The following MKLN1 variants were observed in gnomAD, a reference collection of about 807,000 sequenced individuals.
The protein encoded by MKLN1 is muskelin.
MKLN1 carries 18 observed loss-of-function variants against 99.0 expected under a neutral mutation model. The ratio of observed to expected loss-of-function variants is 0.18; its 90% CI spans 0.13 to 0.27. The LOEUF is 0.27. MKLN1 is among the 10% of genes least tolerant of loss of function. The probability of loss-of-function intolerance (pLI) is 1.00; values close to 1 mark genes in which losing one functional copy is unlikely to be tolerated. For missense variants in MKLN1, 621 were observed against 875.9 expected, an observed-to-expected ratio of 0.71 and a Z score of 3.67; for synonymous variants, 288 against 293.2, an observed-to-expected ratio of 0.98 and a Z score of 0.18.
intron 1 of MKLN1, among the ~76,000 whole-genome samples, chr7:131,126,006 A>AG (rs1465242845): frequency 2.5e-5 from 1 of 40,600 alleles, no homozygotes; most frequent in African/African-American, 5.9e-5. Flanking sequence ...ACTCCGTCTC[A>AG]AAAAAAAAAA....
intron 6 of MKLN1, among the ~76,000 whole-genome samples, chr7:131,403,636 C>T (rs577642551): frequency 4.6e-5 from 7 of 152,028 alleles, no homozygotes; most frequent in South Asian, 4.1e-4. Flanking sequence ...ACTTAAAGGC[C>T]GTGGTAAAGA....
At chr7:131,477,118 A>G (rs1796988461) in intron 16 of MKLN1, among the ~76,000 whole-genome samples, 1 of 152,208 alleles carries the variant, frequency 6.6e-6, no homozygotes, top group African/African-American at 2.4e-5. Context: ...AAGAAAACAT[A>G]GGAGATTATC....
intron 1 of MKLN1, among the ~76,000 whole-genome samples, chr7:131,350,226 C>CTTTTTTTTT (rs757358062): frequency 7.1e-6 from 1 of 140,320 alleles, no homozygotes. Context: ...TATTTAAAAT[C>CTTTTTTTTT]TTTTTTTTTT....
At chr7:131,250,737 A>T (rs1005579452) in intron 3 of MKLN1, among the ~76,000 whole-genome samples, 2 of 152,228 alleles carry the variant, frequency 1.3e-5, no homozygotes, top group Non-Finnish European at 2.9e-5. Context: ...GGGGTAAGCC[A>T]CTTAATGATC....
intron 17 of MKLN1, among the ~76,000 whole-genome samples, chr7:131,482,575 A>C (rs901563170): frequency 1.3e-5 from 2 of 152,212 alleles, no homozygotes; most frequent in African/African-American, 4.8e-5. Context: ...AGGAAAATCC[A>C]GCTACGTGTA....
rs568582412 is a variant in MKLN1 at position 131,306,927 on chromosome 7, C to T, written c.-178-68497C>T. Among the ~76,000 whole-genome samples the T allele has an allele frequency of 3.2e-4, 48 of 152,304 alleles. 1 individual carries two copies. The highest frequency in any genetic ancestry group is 1.1e-3 in the African/African-American group (45 of 41,578). On this transcript the variant is annotated intron_variant, in intron 3 of 7. Coordinates refer to the MKLN1 transcript ENST00000416992. The stretch of plus-strand genomic sequence containing the variant: ...GGCAATTCAGAGACCTTCATGGCAG[C>T]CCCTCCCATCACAGGCCCAGAGGCC...
intron 12 of MKLN1, among the ~76,000 whole-genome samples, chr7:131,450,397 G>A (rs1796144485): frequency 1.3e-5 from 2 of 152,180 alleles, no homozygotes; most frequent in Admixed American, 1.3e-4. Flanking sequence ...CTTACCTTTA[G>A]ATTAGTGCTA....
At chr7:131,478,975 T>G (rs937738164) in intron 17 of MKLN1, 1 of 395,116 alleles carries the variant, frequency 2.5e-6, no homozygotes, top group African/African-American at 2.1e-5. Context: ...GAATGCAGGC[T>G]GTTTTACTGA....
intron 1 of MKLN1, among the ~76,000 whole-genome samples, chr7:131,140,972 G>A (rs1194103329): frequency 1.3e-5 from 2 of 152,178 alleles, no homozygotes; most frequent in Non-Finnish European, 2.9e-5. Flanking sequence ...TTTTAGTAGA[G>A]ATGGGGCTTC....
chr7:131,151,084 A>G (rs16873910), intron 2 of MKLN1, among the ~76,000 whole-genome samples: 4,158 of 152,286 alleles, frequency 0.027, 67 homozygotes, highest in South Asian at 0.064. Context: ...TCCGTTAACT[A>G]TATTTTTCTT....
In MKLN1 at chr7:131,407,650, C is replaced by A. The variant is rs115182122; in HGVS notation, c.704-3656C>A. 7.5e-3 allele frequency among the ~76,000 whole-genome samples: 1,130 copies of A among 150,730 alleles called. 12 individuals carry two copies. Among genetic ancestry groups the A allele is most frequent in the African/African-American group, 0.026 (1,071 of 41,198 alleles). ...TAATGCAAAAATCTCACTTTTTTCCCCTTTCCCAACTGCCAGACCCTTTTC... is the reference window on the plus strand; with the variant it reads ...TAATGCAAAAATCTCACTTTTTTCCACTTTCCCAACTGCCAGACCCTTTTC... On this transcript the variant is annotated intron_variant, in intron 6 of 17. Transcript: ENST00000352689.
At chr7:131,421,927 T>C (rs1050555527) in intron 8 of MKLN1, among the ~76,000 whole-genome samples, 4 of 152,194 alleles carry the variant, frequency 2.6e-5, no homozygotes, top group African/African-American at 9.7e-5. Flanking sequence ...ACCATAAATA[T>C]ATTTATAATA....
At chr7:131,217,909 T>C (rs1797007056) in intron 3 of MKLN1, among the ~76,000 whole-genome samples, 1 of 152,166 alleles carries the variant, frequency 6.6e-6, no homozygotes, top group South Asian at 2.1e-4. Flanking sequence ...AACTAGCAGG[T>C]TCTGCAGCAA....
intron 2 of MKLN1, among the ~76,000 whole-genome samples, chr7:131,199,212 T>A (rs939363095): frequency 6.0e-5 from 9 of 150,468 alleles, no homozygotes; most frequent in Non-Finnish European, 8.9e-5. Flanking sequence ...CATGGACATA[T>A]AAAATAAAAT....
intron 8 of MKLN1, among the ~76,000 whole-genome samples, chr7:131,427,480 G>A (rs974546417): frequency 6.6e-6 from 1 of 152,110 alleles, no homozygotes; most frequent in African/African-American, 2.4e-5. Flanking sequence ...ATAATAATTG[G>A]TGGGCTTATA....
rs1799166058 is a variant in MKLN1 at position 131,333,717 on chromosome 7, T to C, written c.98+5720T>C. 9.2e-5 allele frequency among the ~76,000 whole-genome samples: 14 copies of C among 152,140 alleles called. 1 individual carries two copies. The highest frequency in any genetic ancestry group is 9.2e-4 in the Admixed American group (14 of 15,274). ...ATACCCAGCTAATTTTTTGTATTTT[T>C]AGTAGAGACGGGGTTTCTCCGTGTT... On this transcript the variant is annotated intron_variant, in intron 1 of 17. Coordinates refer to ENST00000352689, the MANE Select transcript of MKLN1 (RefSeq NM_013255.5).
chr7:131,156,820 A>G (rs1795976492), intron 2 of MKLN1, among the ~76,000 whole-genome samples: 1 of 152,172 alleles, frequency 6.6e-6, no homozygotes, highest in South Asian at 2.1e-4. Context: ...TGCTTCATGT[A>G]TGTATTCATA....
Position 131,489,399 on chromosome 7 carries a change from G to T in MKLN1, c.*1671G>T, listed in dbSNP as rs1021803038. 6 of 152,102 alleles carry T rather than the reference G, an allele frequency of 3.9e-5. No homozygotes were observed. Among genetic ancestry groups the T allele is most frequent in the Non-Finnish European group, 8.8e-5 (6 of 68,026 alleles). 9.4% of individuals were successfully genotyped at this position (152,102 alleles called of 1,614,324 possible). On this transcript the variant is annotated 3_prime_UTR_variant, in exon 18 of 18. Transcript: ENST00000352689. ...TATAATTCAGCAAGTACCAACTTGT[G>T]TAGCTGCAGAATAACCAAGTGGCTA... is the stretch of plus-strand genomic sequence containing the variant.
At chr7:131,311,999 A>ATT (rs368580793) in intron 3 of MKLN1, among the ~76,000 whole-genome samples, 1 of 150,708 alleles carries the variant, frequency 6.6e-6, no homozygotes, top group Middle Eastern at 3.4e-3. Flanking sequence ...TCAGGCAGGT[A>ATT]TTTTTTTTTG....
Sources: allele counts gnomAD v4.1 joint callset (sites outside exome capture counted in the v4.1 genomes callset), GRCh38; gene constraint gnomAD v4.1.1; transcripts MANE v1.5; gene names NCBI Gene and HGNC (gene_info 2026-07-23, HGNC 2026-07-21).